Variants in NSMAF observed in about 807,000 individuals in gnomAD.
NSMAF encodes the protein protein FAN.
NSMAF carries 90 observed loss-of-function variants against 134.9 expected under a neutral mutation model. The ratio of observed to expected loss-of-function variants is 0.67; its 90% confidence interval spans 0.56 to 0.79. The LOEUF (loss-of-function observed/expected upper bound fraction) is 0.79, where lower values mean the gene tolerates loss of function less well. Among genes scored for constraint, NSMAF ranks in the 30% least tolerant of loss-of-function variants. NSMAF has a pLI of 0.00. For synonymous variants in NSMAF, 358 were observed against 389.6 expected (o/e 0.92, Z 0.96); for missense variants, 1,010 against 1,119.0 (o/e 0.90, Z 1.39).
chr8:58,604,477 C>T (rs925416409), intron 12 of NSMAF, among the ~76,000 whole-genome samples: 1 of 150,298 alleles, frequency 6.7e-6, no homozygotes, highest in African/African-American at 2.4e-5. Context: ...ATAAAGTTAC[C>T]TTCAATAGCT....
chr8:58,584,028 TCAC>T lies in NSMAF; in HGVS notation c.*75_*77del. 1 of 1,101,096 alleles carries T rather than the reference TCAC, an allele frequency of 9.1e-7. No homozygotes were observed. Among genetic ancestry groups the T allele is most frequent in the Non-Finnish European group, 1.4e-6 (1 of 716,722 alleles). 68.2% of individuals were successfully genotyped at this position (1,101,096 alleles called of 1,614,324 possible). On this transcript the variant is annotated 3_prime_UTR_variant, in exon 31 of 31. Coordinates refer to ENST00000038176, the MANE Select transcript of NSMAF (RefSeq NM_003580.4). Reference sequence around the variant, plus strand: ...ACTTCTAATTACTAACATTGCACATTCACCAGTCCGTTTAAAAGTTTGGTTTAA... The same window carrying T: ...ACTTCTAATTACTAACATTGCACATTCAGTCCGTTTAAAAGTTTGGTTTAA...
Position 58,601,522 on chromosome 8 carries a change from T to TCC in NSMAF, c.1137_1138dup (p.Glu380GlyfsTer67). The stretch of plus-strand genomic sequence containing the variant: ...ATACATGAACTTTGGTTCAGGCATT[T>TCC]CCTGGTAGCGTGTCTAGAATACAGA... On this transcript the variant is annotated frameshift_variant, in exon 15 of 31. Coordinates refer to ENST00000038176, the MANE Select transcript of NSMAF (RefSeq NM_003580.4). LOFTEE classifies it high-confidence loss of function. The TCC allele has an allele frequency of 6.2e-7, 1 of 1,608,416 alleles. No individual in the cohort carries two copies. Among genetic ancestry groups the TCC allele is most frequent in the Non-Finnish European group, 8.5e-7 (1 of 1,178,486 alleles).
intron 9 of NSMAF, among the ~76,000 whole-genome samples, chr8:58,613,211 A>ATT (rs1380215775): frequency 6.6e-6 from 1 of 152,202 alleles, no homozygotes; most frequent in Non-Finnish European, 1.5e-5. Flanking sequence ...ATGCAAACAC[A>ATT]TATATGTATC....
intron 1 of NSMAF, among the ~76,000 whole-genome samples, chr8:58,643,782 C>T (rs1473166146): frequency 2.0e-5 from 3 of 152,148 alleles, no homozygotes; most frequent in Non-Finnish European, 4.4e-5. Flanking sequence ...CCACCCACCT[C>T]GGCCTCCCAA....
At chr8:58,641,986 A>G (rs1807348207) in intron 2 of NSMAF, among the ~76,000 whole-genome samples, 1 of 152,226 alleles carries the variant, frequency 6.6e-6, no homozygotes, top group African/African-American at 2.4e-5. Flanking sequence ...AGGAAAAAAG[A>G]TATGGAATTA....
rs139786186 is a variant in NSMAF, at chr8:58,623,251, G to A, written c.526C>T (p.Arg176Cys). 21 of 1,610,496 alleles carry A rather than the reference G, an allele frequency of 1.3e-5. No individual in the cohort carries two copies. Among genetic ancestry groups the A allele is most frequent in the Middle Eastern group, 4.0e-4 (2 of 5,050 alleles). The change falls in exon 9 of 31, where the codon CGT becomes TGT. Residue 176 changes from arginine to cysteine, a missense_variant. Physicochemically the swap from Arg to Cys is radical, Grantham distance 180 (BLOSUM62 -3). Transcript: ENST00000038176. Reference protein sequence around the residue: ...TAMITAILQSRLARTSFDKNR... With the variant: ...TAMITAILQSCLARTSFDKNR... The stretch of plus-strand genomic sequence containing the variant: ...TTGTCAAATGATGTTCTAGCTAAAC[G>A]AGACTGCAAAATAGCTGTTATCTAT...
At position 58,626,718 on chromosome 8, in the gene NSMAF, G is replaced by C. The variant is rs1396555793; in HGVS notation, c.385-2938C>G. ...ATAATGGCTTCTTTTTCTTTGGGTA[G>C]ATACCTGACAGTGGGATTGCTGGAT... On this transcript the variant is annotated intron_variant, in intron 6 of 30. Transcript: ENST00000038176. Among the ~76,000 whole-genome samples, 3 of 152,294 alleles carry C rather than the reference G, an allele frequency of 2.0e-5. No homozygotes were observed. In the East Asian group the frequency reaches 5.8e-4, roughly 29 times the overall value.
At chr8:58,591,565 C>A (rs1458388578) in intron 23 of NSMAF, among the ~76,000 whole-genome samples, 2 of 143,446 alleles carry the variant, frequency 1.4e-5, no homozygotes, top group Admixed American at 7.3e-5. Context: ...TGGCTCACTG[C>A]AACTTCCATC....
At chr8:58,639,710 C>T (rs1468916181) in intron 2 of NSMAF, among the ~76,000 whole-genome samples, 1 of 151,780 alleles carries the variant, frequency 6.6e-6, no homozygotes, top group Non-Finnish European at 1.5e-5. Flanking sequence ...ATCTAAGTGT[C>T]CATTGATAGA....
In NSMAF at chr8:58,583,890, T is replaced by C; in HGVS notation, c.*216A>G. On this transcript the variant is annotated 3_prime_UTR_variant, in exon 31 of 31. Coordinates refer to ENST00000038176, the MANE Select transcript of NSMAF (RefSeq NM_003580.4). ...ATCATCTGCCTTACAGTGTAACATG[T>C]TTTTCCTAACACAGCCGCATTTTAT... is the stretch of plus-strand genomic sequence containing the variant. 1 of 551,174 alleles carries C rather than the reference T, an allele frequency of 1.8e-6. No individual in the cohort carries two copies. The highest frequency in any genetic ancestry group is 2.0e-5 in the South Asian group (1 of 49,500). The allele number at this position is 551,174 out of a possible 1,614,324, so 34.1% of individuals were successfully genotyped here.
chr8:58,652,741 T>C (rs1262619029), intron 1 of NSMAF, among the ~76,000 whole-genome samples: 1 of 152,202 alleles, frequency 6.6e-6, no homozygotes, highest in Non-Finnish European at 1.5e-5. Flanking sequence ...CCCTGGCCCT[T>C]TGCCTTTGTT....
intron 2 of NSMAF, among the ~76,000 whole-genome samples, chr8:58,641,395 C>G (rs1807332530): frequency 6.6e-6 from 1 of 152,198 alleles, no homozygotes; most frequent in Non-Finnish European, 1.5e-5. Flanking sequence ...CTATATTGTT[C>G]TTCTGATCCT....
In NSMAF at chr8:58,643,917, G is replaced by GA. The variant is rs565296277; in HGVS notation, c.60-845dup. Among the ~76,000 whole-genome samples the GA allele has an allele frequency of 1.8e-4, 27 of 152,326 alleles. No homozygotes were observed. In the South Asian group the frequency reaches 5.2e-3, roughly 29 times the overall value. ...ATAAGTAAAATGAGTAAACCAAACT[G>GA]AATGGGATTGAAATATAGTTCTTTT... On this transcript the variant is annotated intron_variant, in intron 1 of 30. Transcript: ENST00000038176.
chr8:58,622,425 G>A (rs1312714370), intron 9 of NSMAF, among the ~76,000 whole-genome samples: 2 of 151,070 alleles, frequency 1.3e-5, no homozygotes, highest in African/African-American at 2.4e-5. Flanking sequence ...ATGGAGTCTC[G>A]CACTGTCACC....
chr8:58,645,655 T>G (rs1337136680), intron 1 of NSMAF, among the ~76,000 whole-genome samples: 1 of 151,728 alleles, frequency 6.6e-6, no homozygotes, highest in African/African-American at 2.4e-5. Context: ...CTAAACACAA[T>G]GCAGAGAACA....
intron 1 of NSMAF, among the ~76,000 whole-genome samples, chr8:58,648,696 A>G (rs575512723): frequency 5.3e-4 from 80 of 152,340 alleles, no homozygotes; most frequent in African/African-American, 1.9e-3. Flanking sequence ...AAGGCCCACA[A>G]GTACAGCTCA....
At chr8:58,588,849 A>G in intron 26 of NSMAF, 1 of 726,266 alleles carries the variant, frequency 1.4e-6, no homozygotes, top group Non-Finnish European at 2.5e-6. Context: ...GGCAGATGAA[A>G]GGGGCTGCTA....
intron 1 of NSMAF, among the ~76,000 whole-genome samples, chr8:58,657,214 A>C (rs780905299): frequency 4.6e-5 from 7 of 152,250 alleles, no homozygotes; most frequent in Non-Finnish European, 8.8e-5. Flanking sequence ...CTTTTGCAGG[A>C]ATATCAAAGT....
At chr8:58,642,380 A>C (rs1807355500) in intron 2 of NSMAF, among the ~76,000 whole-genome samples, 1 of 152,248 alleles carries the variant, frequency 6.6e-6, no homozygotes, top group East Asian at 1.9e-4. Context: ...GCTTCTGTAC[A>C]TAGCTTTCAA....
Sources: gnomAD v4.1 joint callset for allele counts (sites outside exome capture counted in the v4.1 genomes callset) on GRCh38, gnomAD v4.1.1 for gene constraint, MANE v1.5 for transcripts, NCBI Gene and HGNC (gene_info 2026-07-23, HGNC 2026-07-21) for gene names.